The following PPFIA4 variants were observed in gnomAD, a reference collection of about 807,000 sequenced individuals.
The protein encoded by PPFIA4 is PPFI scaffold protein A4.
PPFIA4 carries 98 observed loss-of-function variants against 145.7 expected under a neutral mutation model. The observed-to-expected ratio is 0.67, with a 90% CI of 0.57 to 0.80. The LOEUF is 0.80. PPFIA4 is among the 30% of genes least tolerant of loss of function. The pLI is 0.00. For synonymous variants in PPFIA4, 628 were observed against 649.6 expected (o/e 0.97, Z 0.51); for missense variants, 1,457 against 1,632.7 (o/e 0.89, Z 1.85).
At chr1:203,040,306 A>G (rs1215646426) in intron 2 of PPFIA4, among the ~76,000 whole-genome samples, 1 of 152,148 alleles carries the variant, frequency 6.6e-6, no homozygotes, top group Non-Finnish European at 1.5e-5. Context: ...GCCTACCCTG[A>G]CCCAGTGGGG....
chr1:203,056,101 C>T lies in PPFIA4; in HGVS notation c.2071-19C>T. 2 of 1,613,888 alleles carry T rather than the reference C, an allele frequency of 1.2e-6. No homozygotes were observed. The highest frequency in any genetic ancestry group is 1.7e-6 in the Non-Finnish European group (2 of 1,179,838). On this transcript the variant is annotated intron_variant, in intron 16 of 29. Transcript: ENST00000295706. Reference sequence around the variant, plus strand: ...ACCCAGAGGGTGAGTCTGAGCTTACCCATCCCTCTCTCTTGCAGCCCAGTG... The same window carrying T: ...ACCCAGAGGGTGAGTCTGAGCTTACTCATCCCTCTCTCTTGCAGCCCAGTG...
intron 28 of PPFIA4, among the ~76,000 whole-genome samples, 154 bp downstream of exon 28, chr1:203,071,914 A>C (rs1433802396): frequency 6.6e-6 from 1 of 152,150 alleles, no homozygotes; most frequent in Non-Finnish European, 1.5e-5. Flanking sequence ...GGGGTTGAGG[A>C]GGTGGACCAG....
chr1:203,051,560 C>G, intron 13 of PPFIA4: 2 of 931,852 alleles, frequency 2.1e-6, no homozygotes, highest in Non-Finnish European at 2.9e-6. Context: ...AACTTTCTCC[C>G]CTGGCTCATT....
intron 14 of PPFIA4, among the ~76,000 whole-genome samples, chr1:203,052,785 T>A (rs901149093): frequency 4.4e-4 from 67 of 152,290 alleles, no homozygotes; most frequent in African/African-American, 1.6e-3. Flanking sequence ...CCTCCCCTCT[T>A]CTGGGCCTTT....
chr1:203,049,653 C>T (rs756411351), intron 12 of PPFIA4, 23 bp from the exon 13 acceptor site: 7 of 1,498,228 alleles, frequency 4.7e-6, no homozygotes, highest in Non-Finnish European at 6.3e-6. Context: ...ACTCCCGCCC[C>T]CACCCCGGGT....
At chr1:203,046,514 T>C in intron 9 of PPFIA4, 132 bp downstream of exon 9, 1 of 1,060,322 alleles carries the variant, frequency 9.4e-7, no homozygotes, top group Non-Finnish European at 1.3e-6. Context: ...GCCGTGTGAT[T>C]CCAGGGAGCA....
At chr1:203,066,031 G>C (rs1449771985) in intron 25 of PPFIA4, among the ~76,000 whole-genome samples, 1 of 152,220 alleles carries the variant, frequency 6.6e-6, no homozygotes, top group Non-Finnish European at 1.5e-5. Flanking sequence ...ATTGTCACCT[G>C]CAAGAGAGGT....
chr1:203,047,023 C>T (rs1416188486), intron 9 of PPFIA4, among the ~76,000 whole-genome samples: 1 of 152,170 alleles, frequency 6.6e-6, no homozygotes, highest in Non-Finnish European at 1.5e-5. Flanking sequence ...TTTAGACATG[C>T]AGGGGTTAAT....
rs780105335 is a variant in PPFIA4 at position 203,045,389 on chromosome 1, G to A, written c.688G>A (p.Glu230Lys). The change falls in exon 7 of 30, where the codon GAG (glutamate) becomes AAG (lysine). Residue 230 changes from glutamate (E) to lysine (K), a missense_variant. Physicochemically the swap from Glu to Lys is moderately conservative, Grantham distance 56. Transcript: ENST00000295706. The part of the protein sequence containing the change: ...LWKEDTGRVE[E>K]LQELLEKQNF... ...GGAGGAGGATACGGGCCGGGTAGAG[G>A]AGCTGCAGGAGCTCCTGGAGAAGCA... The A allele has an allele frequency of 1.9e-6, 3 of 1,604,626 alleles. No individual in the cohort carries two copies. In the Admixed American group the frequency reaches 5.1e-5, roughly 27 times the overall value.
chr1:203,072,050 T>G (rs1214370378), intron 28 of PPFIA4, among the ~76,000 whole-genome samples: 1 of 152,146 alleles, frequency 6.6e-6, no homozygotes, highest in African/African-American at 2.4e-5. Flanking sequence ...CGCCTTCCTA[T>G]CCACATAGGA....
At position 203,061,346 on chromosome 1, in the gene PPFIA4, C is replaced by T. The variant is rs935327406; in HGVS notation, c.2848-306C>T. 10 of 533,020 alleles carry T rather than the reference C, an allele frequency of 1.9e-5. No individual in the cohort carries two copies. In the African/African-American group the frequency reaches 1.9e-4, roughly 10 times the overall value. 33.0% of individuals were successfully genotyped at this position (533,020 alleles called of 1,614,324 possible). ...GCTATGGACCTGAGCCACAGAGTCT[C>T]TGCCCTTGTGCTTCCTCCCTGGTGG... On this transcript the variant is annotated intron_variant, in intron 23 of 29. Coordinates refer to ENST00000295706, the MANE Select transcript of PPFIA4 (RefSeq NM_001304331.2).
At chr1:203,050,407 T>G (rs2102647272) in intron 13 of PPFIA4, among the ~76,000 whole-genome samples, 1 of 152,310 alleles carries the variant, frequency 6.6e-6, no homozygotes, top group South Asian at 2.1e-4. Context: ...CTGTCCTCAG[T>G]ACCCAGGCCA....
In PPFIA4 at chr1:203,055,317, T is replaced by G; in HGVS notation, c.1830-115T>G. ...AAGCTCCAGTGGGACAGACAAAGCC[T>G]GGCGGGTGTACACCGCATGTGGTCC... On this transcript the variant is annotated intron_variant, in intron 15 of 29. Coordinates refer to ENST00000295706, the MANE Select transcript of PPFIA4 (RefSeq NM_001304331.2). The surrounding 1 kb of genome is among the most constrained non-coding windows in gnomAD (Gnocchi z 4.8). The G allele has an allele frequency of 7.3e-7, 1 of 1,368,652 alleles. No homozygotes were observed. The highest frequency in any genetic ancestry group is 1.8e-5 in the Admixed American group (1 of 55,852). 84.8% of individuals were successfully genotyped at this position (1,368,652 alleles called of 1,614,324 possible).
Position 203,044,097 on chromosome 1 carries a change from T to TGCCC in PPFIA4, c.501+3_501+6dup. On this transcript the variant is annotated splice_region_variant and intron_variant, in intron 4 of 29. Coordinates refer to ENST00000295706, the MANE Select transcript of PPFIA4 (RefSeq NM_001304331.2). ...CACCACAAGGCCCTGGATGAGAAGG[T>TGCCC]GCCCACCTGCCCGCCAGCCCCCACA... The TGCCC allele has an allele frequency of 6.4e-7, 1 of 1,570,924 alleles. No individual in the cohort carries two copies. The highest frequency in any genetic ancestry group is 8.6e-7 in the Non-Finnish European group (1 of 1,158,038).
In PPFIA4 at chr1:203,044,001, G is replaced by A; in HGVS notation, c.407G>A (p.Arg136His). 1.2e-6 allele frequency: 2 copies of A among 1,612,466 alleles called. No individual in the cohort carries two copies. Among genetic ancestry groups the A allele is most frequent in the Non-Finnish European group, 8.5e-7 (1 of 1,179,702 alleles). ...TCACTGCGGATGACTGTGGTGAAGC[G>A]CCAGGCCCAGTCACCTTCGGGGGTC... is the stretch of plus-strand genomic sequence containing the variant. ...ERSLRMTVVKRQAQSPSGVSS... is the reference protein window; with the variant it reads ...ERSLRMTVVKHQAQSPSGVSS... Residue 136 changes from arginine to histidine, a missense_variant, in exon 4 of 30, where the codon CGC becomes CAC. Transcript: ENST00000295706.
chr1:203,046,655 C>A, intron 9 of PPFIA4: 1 of 246,674 alleles, frequency 4.1e-6, no homozygotes, highest in Non-Finnish European at 7.1e-6. Context: ...AAGTGTTTTT[C>A]TTTTTCTTTT....
intron 28 of PPFIA4, among the ~76,000 whole-genome samples, chr1:203,072,329 T>C (rs4950914): frequency 0.14 from 21,556 of 152,212 alleles, 1,790 homozygotes; most frequent in Non-Finnish European, 0.18. Context: ...CACCCTTGGG[T>C]CTACCTTCAC....
intron 28 of PPFIA4, among the ~76,000 whole-genome samples, chr1:203,072,175 C>G (rs1380090662): frequency 6.6e-6 from 1 of 152,178 alleles, no homozygotes; most frequent in Non-Finnish European, 1.5e-5. Flanking sequence ...AGTAAGATTC[C>G]AGCCTGTCCT....
Position 203,040,633 on chromosome 1 carries a change from A to G in PPFIA4, c.234+1391A>G, listed in dbSNP as rs78346632. ...GTGACCGGAGAGAATGCAGAGGAAG[A>G]TAAGAGAGGCCCAAAAGGGTTATTA... On this transcript the variant is annotated intron_variant, in intron 2 of 29. Transcript: ENST00000295706. 2.9e-3 allele frequency among the ~76,000 whole-genome samples: 437 copies of G among 152,352 alleles called. 17 individuals are homozygous for G. The East Asian group carries it at 0.068, about 24-fold the overall frequency.
Sources: allele counts gnomAD v4.1 joint callset (sites outside exome capture counted in the v4.1 genomes callset), GRCh38; gene constraint gnomAD v4.1.1; non-coding constraint Gnocchi (gnomAD v3.1); transcripts MANE v1.5; gene names NCBI Gene and HGNC (gene_info 2026-07-23, HGNC 2026-07-21).